Variants in EXD3 observed in about 807,000 individuals in gnomAD.
EXD3 encodes exonuclease 3'-5' domain containing 3, also known as exonuclease mut-7 homolog.
A neutral mutation model predicts 98.0 loss-of-function variants in EXD3; 92 were observed. The observed-to-expected ratio is 0.94, with a 90% CI of 0.79 to 1.12. The LOEUF (loss-of-function observed/expected upper bound fraction) is 1.12. EXD3 is among the 50% of genes most tolerant of loss of function. The pLI is 0.00. For missense variants in EXD3, 1,222 were observed against 1,191.6 expected, an observed-to-expected ratio of 1.03 and a Z score of -0.38; for synonymous variants, 569 against 526.0, an observed-to-expected ratio of 1.08 and a Z score of -1.12.
At chr9:137,336,392 G>A (rs1564487569) in intron 17 of EXD3, among the ~76,000 whole-genome samples, 1 of 152,172 alleles carries the variant, frequency 6.6e-6, no homozygotes, top group Non-Finnish European at 1.5e-5. Flanking sequence ...CATGTGTGGT[G>A]GCTCACGCCT....
At chr9:137,344,469 T>A (rs1252367832) in intron 17 of EXD3, among the ~76,000 whole-genome samples, 4 of 152,216 alleles carry the variant, frequency 2.6e-5, no homozygotes, top group Non-Finnish European at 5.9e-5. Flanking sequence ...GGAACTTCGC[T>A]GGCACGTTTC....
At chr9:137,326,981 C>T (rs989389350) in intron 17 of EXD3, among the ~76,000 whole-genome samples, 21 of 151,926 alleles carry the variant, frequency 1.4e-4, no homozygotes, top group South Asian at 2.1e-4. Context: ...CCTTACGACA[C>T]GCCGAGTGAA....
At chr9:137,399,449 T>C (rs1258702275) in intron 1 of EXD3, among the ~76,000 whole-genome samples, 1 of 152,258 alleles carries the variant, frequency 6.6e-6, no homozygotes, top group Non-Finnish European at 1.5e-5. Context: ...TCTGCCTTTT[T>C]GGGAGATTTC....
At chr9:137,312,747 G>GA (rs1222682619) in intron 19 of EXD3, among the ~76,000 whole-genome samples, 1 of 152,156 alleles carries the variant, frequency 6.6e-6, no homozygotes, top group African/African-American at 2.4e-5. Flanking sequence ...TGTTCCCAGG[G>GA]TGTCTGGGGG....
At position 137,323,767 on chromosome 9, in the gene EXD3, G is replaced by C. The variant is rs774963191; in HGVS notation, c.2142C>G (p.Phe714Leu). 19 of 1,612,282 alleles carry C rather than the reference G, an allele frequency of 1.2e-5. No homozygotes were observed. Residue 714 changes from phenylalanine to leucine, a missense_variant, in exon 19 of 22, where the codon TTC becomes TTG. Physicochemically the swap from Phe to Leu is conservative, Grantham distance 22. Coordinates refer to ENST00000340951, the MANE Select transcript of EXD3 (RefSeq NM_017820.5). ...QQQAKAVLKH[F>L]NVRVTHADIF... ...TGTCTGCGTGGGTGACACGCACGTT[G>C]AAATGCTTGAGCACAGCCTTGGCCT...
intron 17 of EXD3, among the ~76,000 whole-genome samples, chr9:137,329,216 GAC>G (rs1832767584): frequency 4.5e-5 from 1 of 22,052 alleles, no homozygotes; most frequent in Non-Finnish European, 6.9e-5. Flanking sequence ...GGCTACACGG[GAC>G]GACACGGGGC....
rs1205819313 is a variant in EXD3 at position 137,366,765 on chromosome 9, C to G, written c.517-133G>C. The stretch of plus-strand genomic sequence containing the variant: ...GAGGCCGTCCAGGCCCAGCAGTGCT[C>G]GCCCGGCCAGTGCTCACGCTCACAC... On this transcript the variant is annotated intron_variant, in intron 6 of 21. Coordinates refer to ENST00000340951, the MANE Select transcript of EXD3 (RefSeq NM_017820.5). 15 of 1,187,314 alleles carry G rather than the reference C, an allele frequency of 1.3e-5. No homozygotes were observed. The East Asian group carries it at 3.9e-4, about 31-fold the overall frequency. 73.5% of individuals were successfully genotyped at this position (1,187,314 alleles called of 1,614,324 possible).
intron 1 of EXD3, among the ~76,000 whole-genome samples, chr9:137,411,723 G>GCGGGGGAGGGGGA (rs1469269068): frequency 7.3e-6 from 1 of 136,966 alleles, no homozygotes; most frequent in African/African-American, 2.7e-5. Context: ...AGGGGGATGG[G>GCGGGGGAGGGGGA]TGGGGGAGGG....
intron 2 of EXD3, chr9:137,391,873 T>C (rs573340368): frequency 1.3e-5 from 2 of 152,372 alleles, no homozygotes; most frequent in East Asian, 3.9e-4. Context: ...TGGAGTGCAA[T>C]GACACAACCT....
intron 5 of EXD3, among the ~76,000 whole-genome samples, 164 bp downstream of exon 5, chr9:137,372,741 C>G (rs1199072461): frequency 6.6e-6 from 1 of 152,208 alleles, no homozygotes; most frequent in Non-Finnish European, 1.5e-5. Context: ...GACCCGGCAC[C>G]CCGCACACAG....
chr9:137,411,207 C>T (rs1434369687), intron 1 of EXD3, among the ~76,000 whole-genome samples: 3 of 152,234 alleles, frequency 2.0e-5, no homozygotes, highest in Non-Finnish European at 4.4e-5. Context: ...GAATGGAGCG[C>T]AGGCGTGGGA....
chr9:137,355,560 G>A (rs867974911), intron 8 of EXD3, among the ~76,000 whole-genome samples: 579 of 35,834 alleles, frequency 0.016, 13 homozygotes, highest in Admixed American at 0.046. Flanking sequence ...GAGGAAGGAG[G>A]AAGGGAGGAT....
At chr9:137,356,497 G>C (rs532978411) in intron 7 of EXD3, 129 bp from the exon 8 acceptor site, 1 of 654,082 alleles carries the variant, frequency 1.5e-6, no homozygotes, top group Admixed American at 2.5e-5. Context: ...AAATGCAGGC[G>C]TCACCGCCCC....
intron 17 of EXD3, among the ~76,000 whole-genome samples, chr9:137,333,364 G>C (rs1199168735): frequency 6.6e-6 from 1 of 152,166 alleles, no homozygotes; most frequent in Non-Finnish European, 1.5e-5. Flanking sequence ...GATCCTGTGA[G>C]TCAACTCTCC....
intron 10 of EXD3, 170 bp from the exon 11 acceptor site, chr9:137,352,956 G>C (rs74488676): frequency 3.5e-6 from 5 of 1,415,118 alleles, no homozygotes; most frequent in South Asian, 1.6e-5. Flanking sequence ...TGAGGTCAAG[G>C]TTCCACAGGA....
At chr9:137,330,561 GGCTCC>G (rs1564482177) in intron 17 of EXD3, among the ~76,000 whole-genome samples, 18 of 131,852 alleles carry the variant, frequency 1.4e-4, no homozygotes, top group East Asian at 5.4e-4. Flanking sequence ...AGCTACACAG[GGCTCC>G]ACAGGAGCTA....
chr9:137,327,408 C>T (rs1424786331), intron 17 of EXD3, among the ~76,000 whole-genome samples: 1 of 152,138 alleles, frequency 6.6e-6, no homozygotes, highest in African/African-American at 2.4e-5. Flanking sequence ...GCTGGGATTA[C>T]AGGTGTGAGC....
chr9:137,328,686 A>G (rs1371219570), intron 17 of EXD3, among the ~76,000 whole-genome samples: 5 of 65,844 alleles, frequency 7.6e-5, no homozygotes, highest in Admixed American at 1.4e-4. Context: ...ACGGGGCTAC[A>G]CGGGACTACA....
rs920006473 is a variant in EXD3 at position 137,371,827 on chromosome 9, T to G, written c.462+1078A>C. On this transcript the variant is annotated intron_variant, in intron 5 of 21. Coordinates refer to ENST00000340951, the MANE Select transcript of EXD3 (RefSeq NM_017820.5). The surrounding 1 kb of genome is among the most constrained non-coding windows in gnomAD (Gnocchi z 8.0). ...TCGTGCTGCACCCTAGAATCTGCAC[T>G]GGGATCTGGAATCTCAGGGCACCGA... Among the ~76,000 whole-genome samples, 2 of 151,892 alleles carry G rather than the reference T, an allele frequency of 1.3e-5. No homozygotes were observed. Among genetic ancestry groups the G allele is most frequent in the Middle Eastern group, 3.2e-3 (1 of 316 alleles).
Sources: allele counts gnomAD v4.1 joint callset (sites outside exome capture counted in the v4.1 genomes callset), GRCh38; gene constraint gnomAD v4.1.1; non-coding constraint Gnocchi (gnomAD v3.1); transcripts MANE v1.5; gene names NCBI Gene and HGNC (gene_info 2026-07-23, HGNC 2026-07-21).